The following SLC5A4 variants were observed in gnomAD, a reference collection of about 807,000 sequenced individuals.
SLC5A4 encodes probable glucose sensor protein SLC5A4.
A neutral mutation model predicts 70.3 loss-of-function variants in SLC5A4; 55 were observed. That is an observed-to-expected ratio of 0.78 (90% CI 0.63 to 0.98). SLC5A4 has a LOEUF of 0.98. Among genes scored for constraint, SLC5A4 ranks in the 50% least tolerant of loss-of-function variants. The pLI is 0.00. For missense variants in SLC5A4, 735 were observed against 839.2 expected (o/e 0.88, Z 1.53); for synonymous variants, 268 against 305.7 (o/e 0.88, Z 1.29).
chr22:32,352,339 G>C, the SLC5A4 span, among the ~76,000 whole-genome samples: 1 of 150,944 alleles, frequency 6.6e-6, no homozygotes, highest in African/African-American at 2.4e-5. Flanking sequence ...AATGGGTGCA[G>C]CACACCAACA....
At chr22:32,292,097 GATATTAT>G in the SLC5A4 span, among the ~76,000 whole-genome samples, 3 of 129,870 alleles carry the variant, frequency 2.3e-5, no homozygotes, top group African/African-American at 8.9e-5. Flanking sequence ...ATATATACTA[GATATTAT>G]ATATAATATA....
At chr22:32,244,108 A>T (rs1603233333) in intron 5 of SLC5A4, among the ~76,000 whole-genome samples, 2 of 152,332 alleles carry the variant, frequency 1.3e-5, no homozygotes, top group South Asian at 4.1e-4. Context: ...TGTTGGCCAA[A>T]AACCTGTTCT....
At chr22:32,256,438 C>G (rs912613937), upstream of SLC5A4, among the ~76,000 whole-genome samples, 3 of 152,094 alleles carry the variant, frequency 2.0e-5, no homozygotes, top group Non-Finnish European at 4.4e-5. Flanking sequence ...TAAAATTTAC[C>G]ATTTTAATCC....
chr22:32,335,716 C>T, the SLC5A4 span, among the ~76,000 whole-genome samples: 2 of 152,206 alleles, frequency 1.3e-5, no homozygotes, highest in African/African-American at 4.8e-5. Context: ...CAGCACCCAG[C>T]GATTCCTGAA....
At chr22:32,324,648 C>T in the SLC5A4 span, among the ~76,000 whole-genome samples, 1 of 152,348 alleles carries the variant, frequency 6.6e-6, no homozygotes, top group Non-Finnish European at 1.5e-5. Flanking sequence ...ACCGTAGAGT[C>T]CCATGGCAGA....
the SLC5A4 span, among the ~76,000 whole-genome samples, chr22:32,299,445 A>G: frequency 1.9e-5 from 2 of 106,160 alleles, no homozygotes; most frequent in Admixed American, 1.0e-4. Context: ...AGTTGATCGC[A>G]TCGGCTCCTG....
chr22:32,299,633 C>G, the SLC5A4 span, among the ~76,000 whole-genome samples: 1 of 101,556 alleles, frequency 9.8e-6, no homozygotes, highest in African/African-American at 3.7e-5. Context: ...ATTTGATCGT[C>G]TGAAGCCTTC....
chr22:32,222,998 T>G (rs1369222216), intron 13 of SLC5A4, among the ~76,000 whole-genome samples: 1 of 152,196 alleles, frequency 6.6e-6, no homozygotes, highest in Admixed American at 6.5e-5. Flanking sequence ...TTTGTATGCT[T>G]AGACAAACAT....
intron 6 of SLC5A4, among the ~76,000 whole-genome samples, chr22:32,238,466 T>G (rs910669225): frequency 2.0e-5 from 3 of 152,176 alleles, no homozygotes; most frequent in Non-Finnish European, 4.4e-5. Context: ...TTTATGTTAG[T>G]ATGCATGAGA....
rs770956500 is a variant in SLC5A4 at position 32,218,656 on chromosome 22, G to A, written c.1838C>T (p.Pro613Leu). 1.1e-5 allele frequency: 18 copies of A among 1,613,750 alleles called. No homozygotes were observed. Among genetic ancestry groups the A allele is most frequent in the African/African-American group, 1.3e-5 (1 of 74,826 alleles). ...TTCCTCCTCCTCCTTGGTTAGCTTGGGTCCCTTCTGCAAACCGCAGAACAA... is the reference window on the plus strand; with the variant it reads ...TTCCTCCTCCTCCTTGGTTAGCTTGAGTCCCTTCTGCAAACCGCAGAACAA... ...YDLFCGLQKGPKLTKEEEEAL... is the reference protein window; with the variant it reads ...YDLFCGLQKGLKLTKEEEEAL... The change falls in exon 15 of 15, where the codon CCC becomes CTC. Residue 613 changes from proline to leucine, a missense_variant. Physicochemically the swap from Pro to Leu is moderately conservative, Grantham distance 98. Transcript: ENST00000266086.
the SLC5A4 span, among the ~76,000 whole-genome samples, chr22:32,345,669 C>G: frequency 1.3e-5 from 2 of 152,162 alleles, no homozygotes; most frequent in Admixed American, 1.3e-4. Flanking sequence ...CTGCATCAAA[C>G]TCTCTATTGC....
At chr22:32,254,842 TA>T (rs1927382159) in intron 1 of SLC5A4, among the ~76,000 whole-genome samples, 1 of 151,058 alleles carries the variant, frequency 6.6e-6, no homozygotes, top group South Asian at 2.1e-4. Flanking sequence ...TTTATTAAAA[TA>T]AAAAAATTCA....
chr22:32,303,534 T>C, the SLC5A4 span, among the ~76,000 whole-genome samples: 1 of 152,216 alleles, frequency 6.6e-6, no homozygotes, highest in African/African-American at 2.4e-5. Flanking sequence ...GTCTGTCCTT[T>C]GTGCACAAGG....
the SLC5A4 span, among the ~76,000 whole-genome samples, chr22:32,300,285 T>G: frequency 1.7e-5 from 2 of 116,786 alleles, no homozygotes; most frequent in Non-Finnish European, 3.8e-5. Flanking sequence ...GATCTCAGAC[T>G]GCTGTGCTAG....
At chr22:32,257,629 G>A (rs1312249504), upstream of SLC5A4, among the ~76,000 whole-genome samples, 1 of 151,012 alleles carries the variant, frequency 6.6e-6, no homozygotes, top group African/African-American at 2.5e-5. Flanking sequence ...TGGGATTACA[G>A]GCATGAGCCA....
chr22:32,291,272 T>G, the SLC5A4 span, among the ~76,000 whole-genome samples: 2 of 149,180 alleles, frequency 1.3e-5, no homozygotes, highest in African/African-American at 4.9e-5. Flanking sequence ...GCCTCCCGGG[T>G]TCAAGCGATT....
chr22:32,270,824 T>A, the SLC5A4 span: 1 of 576,474 alleles, frequency 1.7e-6, no homozygotes, highest in Non-Finnish European at 3.2e-6. Flanking sequence ...AAAAGCACAC[T>A]CCTATAGTGG....
At chr22:32,254,105 C>T in intron 2 of SLC5A4, 37 bp downstream of exon 2, 1 of 1,547,890 alleles carries the variant, frequency 6.5e-7, no homozygotes, top group Non-Finnish European at 8.9e-7. Context: ...AGCACACACA[C>T]AGGAAATTTA....
Position 32,234,250 on chromosome 22 carries a change from A to G in SLC5A4, c.885+623T>C, listed in dbSNP as rs111465087. Among the ~76,000 whole-genome samples the G allele has an allele frequency of 3.2e-3, 489 of 152,362 alleles. 8 individuals are homozygous for G. The highest frequency in any genetic ancestry group is 0.011 in the African/African-American group (470 of 41,574). On this transcript the variant is annotated intron_variant, in intron 8 of 14. Transcript: ENST00000266086. ...GGTGATGTCCATGTTGATGGCTCAC[A>G]GACTGCACACTGAGCACAAGGATTT...
Sources: gnomAD v4.1 joint callset for allele counts (sites outside exome capture counted in the v4.1 genomes callset) on GRCh38, gnomAD v4.1.1 for gene constraint, MANE v1.5 for transcripts, NCBI Gene and HGNC (gene_info 2026-07-23, HGNC 2026-07-21) for gene names.